Variants in EFCAB5 observed in about 807,000 individuals in gnomAD.
EFCAB5 encodes EF-hand calcium-binding domain-containing protein 5.
EFCAB5 carries 131 observed loss-of-function variants against 167.9 expected under a neutral mutation model. That is an observed-to-expected ratio of 0.78 (90% CI 0.68 to 0.90). The LOEUF is 0.90. EFCAB5 is among the 40% of genes least tolerant of loss of function. The probability of loss-of-function intolerance (pLI) is 0.00; values close to 1 mark genes in which losing one functional copy is unlikely to be tolerated. For missense variants in EFCAB5, 1,663 were observed against 1,745.2 expected, an observed-to-expected ratio of 0.95 and a Z score of 0.84; for synonymous variants, 574 against 602.8, an observed-to-expected ratio of 0.95 and a Z score of 0.70.
chr17:30,078,271 TC>T lies in EFCAB5; in HGVS notation c.2795del (p.Ser932Ter). On this transcript the variant is annotated frameshift_variant, in exon 15 of 23. Transcript: ENST00000394835. LOFTEE classifies it high-confidence loss of function. ...PHPGHEVRLS[S>X]KQFQNYIELV... ...CCCTGGTCACGAAGTGAGATTGTCTTCAAAACAATTTCAGAATTACATAGAA... is the reference window on the plus strand; with the variant it reads ...CCCTGGTCACGAAGTGAGATTGTCTTAAAACAATTTCAGAATTACATAGAA... 1 of 1,613,938 alleles carries T rather than the reference TC, an allele frequency of 6.2e-7. No individual in the cohort carries two copies. The highest frequency in any genetic ancestry group is 8.5e-7 in the Non-Finnish European group (1 of 1,179,870).
At chr17:30,034,447 C>G in intron 8 of EFCAB5, 62 bp downstream of exon 8, 9 of 1,531,914 alleles carry the variant, frequency 5.9e-6, no homozygotes, top group Non-Finnish European at 7.9e-6. Flanking sequence ...GCCTGTAATC[C>G]CAGCACTTTA....
intron 7 of EFCAB5, among the ~76,000 whole-genome samples, chr17:30,016,484 A>G (rs1295542941): frequency 6.6e-6 from 1 of 152,138 alleles, no homozygotes; most frequent in Non-Finnish European, 1.5e-5. Flanking sequence ...GAGGTAAGAA[A>G]CAAATAAGAA....
At chr17:30,001,181 G>A (rs1038333033) in intron 7 of EFCAB5, among the ~76,000 whole-genome samples, 3 of 152,090 alleles carry the variant, frequency 2.0e-5, no homozygotes, top group African/African-American at 4.8e-5. Context: ...TTCTTCACTC[G>A]GAAGTCTTAA....
intron 22 of EFCAB5, among the ~76,000 whole-genome samples, chr17:30,107,229 A>C (rs2071460340): frequency 6.6e-6 from 1 of 152,248 alleles, no homozygotes; most frequent in Admixed American, 6.5e-5. Context: ...GTTACTATAT[A>C]GCTTTAAATA....
intron 3 of EFCAB5, among the ~76,000 whole-genome samples, chr17:29,947,821 C>CATTTT (rs1310101752): frequency 1.3e-5 from 2 of 152,024 alleles, no homozygotes; most frequent in African/African-American, 2.4e-5. Flanking sequence ...TTAACTCATT[C>CATTTT]ATTTTATTTT....
chr17:29,962,404 T>TA (rs2067737592), intron 3 of EFCAB5, among the ~76,000 whole-genome samples: 1 of 152,142 alleles, frequency 6.6e-6, no homozygotes. Flanking sequence ...CTTCCTTGGT[T>TA]AAATTTATTC....
At chr17:29,942,176 T>G in intron 1 of EFCAB5, 64 bp from the exon 2 acceptor site, 10 of 1,359,460 alleles carry the variant, frequency 7.4e-6, no homozygotes, top group South Asian at 1.4e-5. Context: ...TATTAAAGTA[T>G]GAGACAGTAG....
chr17:30,058,380 G>A (rs1350759376), intron 13 of EFCAB5, among the ~76,000 whole-genome samples: 1 of 152,186 alleles, frequency 6.6e-6, no homozygotes, highest in African/African-American at 2.4e-5. Flanking sequence ...TCTCTCATAT[G>A]AAATATGTAA....
rs1478136882 is a variant in EFCAB5, at chr17:29,999,918, A to C, written c.986A>C (p.Lys329Thr). ...NPDFKLGSHC[K>T]QLDITDSTEP... ...ATTCCATAAATAGGATCACACTGCA[A>C]ACAACTGGATATTACTGACTCAACA... is the stretch of plus-strand genomic sequence containing the variant. The change falls in exon 7 of 23, where the codon AAA (lysine) becomes ACA (threonine). Residue 329 changes from lysine to threonine, a missense_variant. Transcript: ENST00000394835. The C allele has an allele frequency of 6.3e-7, 1 of 1,584,422 alleles. No individual in the cohort carries two copies. The highest frequency in any genetic ancestry group is 1.3e-5 in the African/African-American group (1 of 74,454).
chr17:30,091,209 A>G (rs1220594951), intron 20 of EFCAB5, among the ~76,000 whole-genome samples: 1 of 152,228 alleles, frequency 6.6e-6, no homozygotes, highest in Non-Finnish European at 1.5e-5. Flanking sequence ...CTAAGGTCCA[A>G]TAGCAAGCTG....
At chr17:29,998,036 G>C (rs2068584498) in intron 6 of EFCAB5, among the ~76,000 whole-genome samples, 1 of 151,328 alleles carries the variant, frequency 6.6e-6, no homozygotes, top group African/African-American at 2.4e-5. Context: ...TTGATTATTT[G>C]ACTACTTTTG....
chr17:30,091,727 A>C (rs1474253833), intron 20 of EFCAB5, 144 bp from the exon 21 acceptor site: 18 of 849,350 alleles, frequency 2.1e-5, no homozygotes, highest in Non-Finnish European at 3.1e-5. Context: ...AAAGAAACTG[A>C]GATTGTTTAA....
chr17:29,936,161 A>G (rs2067243742), intron 1 of EFCAB5, among the ~76,000 whole-genome samples: 1 of 152,174 alleles, frequency 6.6e-6, no homozygotes, highest in Non-Finnish European at 1.5e-5. Context: ...TTGTAGGGAC[A>G]TGGATGAAGC....
chr17:30,027,319 T>A (rs1036135335), intron 7 of EFCAB5, among the ~76,000 whole-genome samples: 17 of 147,252 alleles, frequency 1.2e-4, no homozygotes, highest in Non-Finnish European at 2.2e-4. Flanking sequence ...TTTTTTTTTT[T>A]AGGCACTTTT....
At chr17:30,019,037 T>C (rs995594051) in intron 7 of EFCAB5, among the ~76,000 whole-genome samples, 1 of 152,200 alleles carries the variant, frequency 6.6e-6, no homozygotes, top group Non-Finnish European at 1.5e-5. Context: ...TGTTTTCACT[T>C]TGAATCTTCA....
chr17:30,080,859 T>G lies in EFCAB5; in HGVS notation c.3304T>G (p.Ser1102Ala), dbSNP rs1208910295. Residue 1102 changes from serine to alanine, a missense_variant, in exon 17 of 23, where the codon TCA becomes GCA. Coordinates refer to ENST00000394835, the MANE Select transcript of EFCAB5 (RefSeq NM_198529.4). The part of the protein sequence containing the change: ...QSRNKHDYNG[S>A]FLALPLQDAY... ...CCGTAATAAGCATGATTATAATGGT[T>G]CATTCCTGGCTCTGCCTCTTCAAGA... 2 of 1,613,724 alleles carry G rather than the reference T, an allele frequency of 1.2e-6. No homozygotes were observed. Among genetic ancestry groups the G allele is most frequent in the Admixed American group, 1.7e-5 (1 of 59,980 alleles).
Position 30,091,787 on chromosome 17 carries a change from A to G in EFCAB5, c.3938-84A>G, listed in dbSNP as rs2071202132. 2.8e-6 allele frequency: 4 copies of G among 1,436,340 alleles called. No homozygotes were observed. In the South Asian group the frequency reaches 4.3e-5, roughly 16 times the overall value. 89.0% of individuals were successfully genotyped at this position (1,436,340 alleles called of 1,614,324 possible). A position where few individuals can be genotyped will look rare whatever the true frequency, so the allele number is the denominator to read the frequency against. On this transcript the variant is annotated intron_variant, in intron 20 of 22. Coordinates refer to ENST00000394835, the MANE Select transcript of EFCAB5 (RefSeq NM_198529.4). ...TCTTGACAAAAACATTTACTATAAT[A>G]TGTTCAGAATCCTATGAAAAAGTAA...
chr17:30,069,657 C>G, intron 14 of EFCAB5: 1 of 1,550,790 alleles, frequency 6.4e-7, no homozygotes, highest in Admixed American at 1.7e-5. Flanking sequence ...GGGCCCAGCA[C>G]GAGAGTCTGC....
intron 3 of EFCAB5, among the ~76,000 whole-genome samples, chr17:29,962,277 T>G (rs1047680478): frequency 6.6e-6 from 1 of 152,218 alleles, no homozygotes; most frequent in East Asian, 1.9e-4. Flanking sequence ...TTGGGTAGAA[T>G]TGATATCTTA....
Sources: allele counts gnomAD v4.1 joint callset (sites outside exome capture counted in the v4.1 genomes callset), GRCh38; gene constraint gnomAD v4.1.1; transcripts MANE v1.5; gene names NCBI Gene and HGNC (gene_info 2026-07-23, HGNC 2026-07-21).